PTPN21: variants seen among roughly 807,000 people sequenced by gnomAD.
The protein encoded by PTPN21 is tyrosine-protein phosphatase non-receptor type 21.
In PTPN21, 77 loss-of-function variants were observed where a neutral mutation model predicts 131.8. The observed-to-expected ratio is 0.58, with a 90% CI of 0.49 to 0.71. The LOEUF (loss-of-function observed/expected upper bound fraction) is 0.71. Among genes scored for constraint, PTPN21 ranks in the 30% least tolerant of loss-of-function variants. The probability of loss-of-function intolerance (pLI) is 0.00; values close to 1 mark genes in which losing one functional copy is unlikely to be tolerated. For missense variants in PTPN21, 1,552 were observed against 1,527.1 expected, an observed-to-expected ratio of 1.02 and a Z score of -0.27; for synonymous variants, 715 against 621.3, an observed-to-expected ratio of 1.15 and a Z score of -2.24.
intron 12 of PTPN21, among the ~76,000 whole-genome samples, chr14:88,482,230 G>T (rs2140103130): frequency 6.6e-6 from 1 of 152,330 alleles, no homozygotes; most frequent in East Asian, 1.9e-4. Flanking sequence ...GGTGGCTAGA[G>T]TGTCAGATAG....
In PTPN21 at chr14:88,492,623, C is replaced by T. The variant is rs59797373; in HGVS notation, c.932+3790G>A. On this transcript the variant is annotated intron_variant, in intron 10 of 18. Coordinates refer to ENST00000556564, the MANE Select transcript of PTPN21 (RefSeq NM_007039.4). Reference sequence around the variant, plus strand: ...TGGGCATCCCCGCATGTTATCTTTACACTGCTGCTCCTGCCCAGAGTTTCT... The same window carrying T: ...TGGGCATCCCCGCATGTTATCTTTATACTGCTGCTCCTGCCCAGAGTTTCT... Among the ~76,000 whole-genome samples the T allele has an allele frequency of 8.1e-3, 1,236 of 152,324 alleles. 22 individuals carry two copies. The highest frequency in any genetic ancestry group is 0.028 in the African/African-American group (1,184 of 41,574).
intron 12 of PTPN21, among the ~76,000 whole-genome samples, chr14:88,480,751 CAACT>C (rs1180959121): frequency 2.6e-5 from 4 of 152,176 alleles, no homozygotes; most frequent in African/African-American, 9.7e-5. Context: ...GTTCAAGCAC[CAACT>C]GTCTGTAAGC....
Position 88,479,633 on chromosome 14 carries a change from G to A in PTPN21, c.1798C>T (p.His600Tyr). 6.4e-7 allele frequency: 1 copy of A among 1,564,680 alleles called. No individual in the cohort carries two copies. ...SNPDLITRRV[H>Y]HSVQTFQEDS... ...TCCTGGAACGTTTGCACCGAGTGGT[G>A]CACGCGCCGCGTGATGAGGTCGGGG... Residue 600 changes from histidine (H) to tyrosine (Y), a missense_variant, in exon 13 of 19, where the codon CAC becomes TAC. His to Tyr is a moderately conservative substitution (Grantham distance 83, BLOSUM62 2). Coordinates refer to ENST00000556564, the MANE Select transcript of PTPN21 (RefSeq NM_007039.4).
chr14:88,480,197 G>T lies in PTPN21; in HGVS notation c.1234C>A (p.Pro412Thr). 6.2e-7 allele frequency: 1 copy of T among 1,614,188 alleles called. No individual in the cohort carries two copies. Among genetic ancestry groups the T allele is most frequent in the Non-Finnish European group, 8.5e-7 (1 of 1,180,022 alleles). Residue 412 changes from proline (P) to threonine (T), a missense_variant, in exon 13 of 19, where the codon CCC becomes ACC. Physicochemically the swap from Pro to Thr is conservative, Grantham distance 38. Coordinates refer to ENST00000556564, the MANE Select transcript of PTPN21 (RefSeq NM_007039.4). Reference protein sequence around the residue: ...SLNNPQPYLQPSPMSSNPSIT... With the variant: ...SLNNPQPYLQTSPMSSNPSIT... ...CTAGGGTTGGACGACATCGGCGAGG[G>T]CTGCAAGTAGGGCTGAGGATTATTT...
rs751147909 is a variant in PTPN21, at chr14:88,478,946, T to A, written c.2485A>T (p.Ile829Phe). ...CCTAGAGGCGGGAGCCCTTCCACGA[T>A]GTTCTTCTTCCCAGAGAGAAGGTCC... ...VSDLLSGKKN[I>F]VEGLPPLGGM... The change falls in exon 13 of 19, where the codon ATC becomes TTC. Residue 829 changes from isoleucine to phenylalanine, a missense_variant. Physicochemically the swap from Ile to Phe is conservative, Grantham distance 21 (BLOSUM62 0). This residue lies in a region of PTPN21 where 1,016 missense variants were observed against 883.5 expected (regional missense o/e 1.15). Transcript: ENST00000556564. 1 of 1,516,516 alleles carries A rather than the reference T, an allele frequency of 6.6e-7. No individual in the cohort carries two copies. The highest frequency in any genetic ancestry group is 8.8e-7 in the Non-Finnish European group (1 of 1,133,112). The allele number at this position is 1,516,516 out of a possible 1,614,324, so 93.9% of individuals were successfully genotyped here. A position where few individuals can be genotyped will look rare whatever the true frequency, so the allele number is the denominator to read the frequency against.
At chr14:88,542,977 T>C (rs1212551832) in intron 2 of PTPN21, among the ~76,000 whole-genome samples, 1 of 152,230 alleles carries the variant, frequency 6.6e-6, no homozygotes, top group Non-Finnish European at 1.5e-5. Context: ...TTCTGGGTAC[T>C]AGACTTTTAC....
chr14:88,479,579 G>T lies in PTPN21; in HGVS notation c.1852C>A (p.Gln618Lys). The T allele has an allele frequency of 6.3e-7, 1 of 1,593,714 alleles. No homozygotes were observed. Among genetic ancestry groups the T allele is most frequent in the African/African-American group, 1.3e-5 (1 of 74,716 alleles). Residue 618 changes from glutamine to lysine, a missense_variant, in exon 13 of 19, where the codon CAG (glutamine) becomes AAG (lysine). By Grantham distance (53) the Gln-to-Lys change is moderately conservative. Coordinates refer to ENST00000556564, the MANE Select transcript of PTPN21 (RefSeq NM_007039.4). Reference sequence around the variant, plus strand: ...GCGGTGAGGGGCTCGCTGACCTCCTGCAGCGAGTGCGCCACGGGCAGGCTG... The same window carrying T: ...GCGGTGAGGGGCTCGCTGACCTCCTTCAGCGAGTGCGCCACGGGCAGGCTG... ...EDSLPVAHSL[Q>K]EVSEPLTAAR... is the part of the protein sequence containing the mutation.
At chr14:88,500,656 G>A in intron 8 of PTPN21, 127 bp downstream of exon 8, 1 of 663,520 alleles carries the variant, frequency 1.5e-6, no homozygotes, top group Non-Finnish European at 2.7e-6. Flanking sequence ...TCCTAGGAAG[G>A]GAATTATTTC....
chr14:88,470,682 G>GC (rs1566805510), intron 15 of PTPN21, among the ~76,000 whole-genome samples: 1 of 152,248 alleles, frequency 6.6e-6, no homozygotes, highest in Non-Finnish European at 1.5e-5. Flanking sequence ...CAAGCCTTGT[G>GC]CCACACGCAC....
intron 2 of PTPN21, among the ~76,000 whole-genome samples, chr14:88,543,920 C>G (rs574382294): frequency 2.0e-5 from 3 of 152,078 alleles, no homozygotes; most frequent in Admixed American, 6.6e-5. Context: ...GCACACACCC[C>G]CCTCAGAAAC....
intron 2 of PTPN21, among the ~76,000 whole-genome samples, chr14:88,518,384 GTGTA>G (rs1364261831): frequency 0.017 from 220 of 13,316 alleles, 6 homozygotes; most frequent in Admixed American, 0.017. Flanking sequence ...ATGTGTGTGT[GTGTA>G]TATATATATA....
intron 2 of PTPN21, among the ~76,000 whole-genome samples, chr14:88,545,092 C>G (rs1441453448): frequency 6.6e-6 from 1 of 152,148 alleles, no homozygotes; most frequent in Non-Finnish European, 1.5e-5. Context: ...ACCTCGGCCT[C>G]CCAAAGTGCT....
chr14:88,468,167 G>A lies in PTPN21; in HGVS notation c.3495C>T (p.Ile1165=). 1 of 1,613,842 alleles carries A rather than the reference G, an allele frequency of 6.2e-7. No homozygotes were observed. The highest frequency in any genetic ancestry group is 1.1e-5 in the South Asian group (1 of 91,058). The change falls in exon 19 of 19, where the codon ATC becomes ATT. Residue 1165 remains isoleucine (I), a synonymous_variant. Transcript: ENST00000556564. ...TGAGCCTGGAGCTTTTCAGGAACTG[G>A]ATGAGGACTCTGTACACAAATGTGT... is the stretch of plus-strand genomic sequence containing the variant. ...CQYTFVYRVL[I]QFLKSSRLI
chr14:88,535,434 C>T (rs549878317), intron 2 of PTPN21, among the ~76,000 whole-genome samples: 5 of 152,292 alleles, frequency 3.3e-5, no homozygotes, highest in Admixed American at 6.5e-5. Flanking sequence ...GCAAAAGGCT[C>T]GGCCTTTGAG....
chr14:88,536,107 A>C (rs1466918135), intron 2 of PTPN21, among the ~76,000 whole-genome samples: 1 of 152,198 alleles, frequency 6.6e-6, no homozygotes, highest in African/African-American at 2.4e-5. Context: ...GACCTGTGGG[A>C]AACTCATTCC....
intron 2 of PTPN21, among the ~76,000 whole-genome samples, chr14:88,518,940 A>T (rs914161148): frequency 3.4e-4 from 51 of 152,014 alleles, no homozygotes; most frequent in African/African-American, 1.2e-3. Flanking sequence ...CATTTAAAAC[A>T]ATTATAATGC....
intron 2 of PTPN21, among the ~76,000 whole-genome samples, chr14:88,545,995 T>TA (rs991650692): frequency 0.054 from 4,214 of 77,946 alleles, 84 homozygotes; most frequent in African/African-American, 0.061. Flanking sequence ...CTGTCTCAAA[T>TA]AAAAAAAAAA....
At position 88,507,913 on chromosome 14, in the gene PTPN21, T is replaced by C. The variant is rs2078117561; in HGVS notation, c.448+10A>G. On this transcript the variant is annotated intron_variant, in intron 4 of 18. Transcript: ENST00000556564. ...ATAGAACCATTTCATTATGAATTGA[T>C]CTTATTTACCTTGAACAGCTAAGCC... The C allele has an allele frequency of 3.9e-6, 6 of 1,524,766 alleles. No homozygotes were observed. The highest frequency in any genetic ancestry group is 5.4e-6 in the Non-Finnish European group (6 of 1,112,540). The allele number at this position is 1,524,766 out of a possible 1,614,324, so 94.5% of individuals were successfully genotyped here.
At chr14:88,502,081 C>G (rs2078017367) in intron 6 of PTPN21, among the ~76,000 whole-genome samples, 1 of 152,114 alleles carries the variant, frequency 6.6e-6, no homozygotes, top group Non-Finnish European at 1.5e-5. Context: ...ATGAAAACCC[C>G]TTTTTGCTCA....
Sources: gnomAD v4.1 joint callset for allele counts (sites outside exome capture counted in the v4.1 genomes callset) on GRCh38, gnomAD v4.1.1 for gene constraint, gnomAD v4.1.1 regional missense constraint, MANE v1.5 for transcripts, NCBI Gene and HGNC (gene_info 2026-07-23, HGNC 2026-07-21) for gene names.